Variants in CNTNAP2 observed in about 807,000 individuals in gnomAD.
CNTNAP2 encodes contactin-associated protein-like 2.
A neutral mutation model predicts 155.2 loss-of-function variants in CNTNAP2; 98 were observed. The observed-to-expected ratio is 0.63, with a 90% CI of 0.54 to 0.75. The LOEUF is 0.75. CNTNAP2 is among the 30% of genes least tolerant of loss of function. The probability of loss-of-function intolerance (pLI) is 0.00; values close to 1 mark genes in which losing one functional copy is unlikely to be tolerated. For missense variants in CNTNAP2, 1,727 were observed against 1,688.1 expected (o/e 1.02, Z -0.40); for synonymous variants, 651 against 631.2 (o/e 1.03, Z -0.47).
intron 1 of CNTNAP2, among the ~76,000 whole-genome samples, chr7:146,486,046 CTTTTTTTTTTTTTTTTTTTTT>C (rs71175651): frequency 4.7e-5 from 2 of 42,572 alleles, no homozygotes; most frequent in Admixed American, 4.1e-4. Context: ...CCACAGCAGT[CTTTTTTTTTTTTTTTTTTTTT>C]TTTTTTTTTT....
At chr7:148,132,383 A>T (rs1440190299) in intron 16 of CNTNAP2, among the ~76,000 whole-genome samples, 4 of 142,068 alleles carry the variant, frequency 2.8e-5, no homozygotes, top group South Asian at 4.5e-4. Context: ...TAATTTTTTA[A>T]TTTTTTTTTT....
chr7:147,142,020 C>T (rs1023194429), intron 8 of CNTNAP2, among the ~76,000 whole-genome samples: 1 of 152,150 alleles, frequency 6.6e-6, no homozygotes, highest in Non-Finnish European at 1.5e-5. Flanking sequence ...CATCTGCGAA[C>T]AGTGACAATT....
chr7:147,178,487 G>A (rs1468351279), intron 8 of CNTNAP2, among the ~76,000 whole-genome samples: 1 of 152,168 alleles, frequency 6.6e-6, no homozygotes, highest in Non-Finnish European at 1.5e-5. Flanking sequence ...CTACAAATGT[G>A]CAAGATAATG....
chr7:146,607,513 G>T (rs1470862227), intron 1 of CNTNAP2, among the ~76,000 whole-genome samples: 1 of 151,950 alleles, frequency 6.6e-6, no homozygotes, highest in Admixed American at 6.6e-5. Flanking sequence ...GTCTTTTTCT[G>T]TCACCCAGAC....
Position 146,425,802 on chromosome 7 carries a change from T to G in CNTNAP2, c.97+308829T>G, listed in dbSNP as rs1019203031. 3.9e-5 allele frequency among the ~76,000 whole-genome samples: 6 copies of G among 152,268 alleles called. No homozygotes were observed. The South Asian group carries it at 1.0e-3, about 26-fold the overall frequency. On this transcript the variant is annotated intron_variant, in intron 1 of 23. Coordinates refer to ENST00000361727, the MANE Select transcript of CNTNAP2 (RefSeq NM_014141.6). Reference sequence around the variant, plus strand: ...ACCCTATGTGGTAGGTTTTTATTATTATGATTATTGTCTTCCACCTTTTGA... The same window carrying G: ...ACCCTATGTGGTAGGTTTTTATTATGATGATTATTGTCTTCCACCTTTTGA...
At chr7:148,215,238 G>A (rs986254008) in intron 18 of CNTNAP2, among the ~76,000 whole-genome samples, 9 of 152,168 alleles carry the variant, frequency 5.9e-5, no homozygotes, top group African/African-American at 2.2e-4. Context: ...TGCATATTCA[G>A]GGAGGTGAAG....
intron 1 of CNTNAP2, among the ~76,000 whole-genome samples, chr7:146,397,849 T>C (rs1795652899): frequency 6.6e-6 from 1 of 151,558 alleles, no homozygotes; most frequent in Admixed American, 6.6e-5. Context: ...AATATTAATT[T>C]TGTATACCAA....
chr7:146,829,449 A>T (rs1375296273), intron 2 of CNTNAP2, among the ~76,000 whole-genome samples: 1 of 152,162 alleles, frequency 6.6e-6, no homozygotes, highest in Admixed American at 6.5e-5. Flanking sequence ...AATATGTTAA[A>T]ATCAGCTCAA....
chr7:147,410,686 TCTAA>T (rs1262428226), intron 10 of CNTNAP2, among the ~76,000 whole-genome samples: 4 of 152,192 alleles, frequency 2.6e-5, no homozygotes, highest in Admixed American at 6.5e-5. Context: ...AAGCAGCTGT[TCTAA>T]CTGAGACGTG....
intron 20 of CNTNAP2, among the ~76,000 whole-genome samples, chr7:148,253,697 A>C: frequency 6.6e-6 from 1 of 152,294 alleles, no homozygotes; most frequent in African/African-American, 2.4e-5. Flanking sequence ...ACCCTGTGAC[A>C]GTCATTCATC....
chr7:147,285,985 C>T (rs533070429), intron 8 of CNTNAP2, among the ~76,000 whole-genome samples: 3 of 152,010 alleles, frequency 2.0e-5, no homozygotes, highest in Admixed American at 6.6e-5. Flanking sequence ...TATAGAGAAG[C>T]GTTTTCTAGA....
At chr7:147,766,688 G>A (rs535585682) in intron 13 of CNTNAP2, among the ~76,000 whole-genome samples, 21 of 152,088 alleles carry the variant, frequency 1.4e-4, no homozygotes, top group African/African-American at 4.6e-4. Flanking sequence ...AAGCTAATTC[G>A]TATTAGGTCT....
At chr7:146,845,331 C>T (rs1297918153) in intron 3 of CNTNAP2, among the ~76,000 whole-genome samples, 3 of 152,098 alleles carry the variant, frequency 2.0e-5, no homozygotes, top group Admixed American at 6.5e-5. Context: ...GATATGGAGT[C>T]GAAAGGTCTG....
chr7:146,792,439 T>C (rs909201001), intron 2 of CNTNAP2, among the ~76,000 whole-genome samples: 1 of 152,150 alleles, frequency 6.6e-6, no homozygotes, highest in African/African-American at 2.4e-5. Flanking sequence ...GATACCAACA[T>C]TGATCCCTTC....
intron 1 of CNTNAP2, among the ~76,000 whole-genome samples, chr7:146,389,203 G>T (rs1563065580): frequency 6.8e-6 from 1 of 147,868 alleles, no homozygotes; most frequent in Non-Finnish European, 1.5e-5. Flanking sequence ...TTTTATTATG[G>T]AGCAAATTGT....
At chr7:147,240,625 C>T (rs1803914513) in intron 8 of CNTNAP2, among the ~76,000 whole-genome samples, 1 of 151,322 alleles carries the variant, frequency 6.6e-6, no homozygotes, top group South Asian at 2.1e-4. Flanking sequence ...CAGTGTGTCA[C>T]CTTTCTCATT....
intron 10 of CNTNAP2, among the ~76,000 whole-genome samples, chr7:147,447,709 T>G (rs1464597002): frequency 6.6e-6 from 1 of 152,160 alleles, no homozygotes; most frequent in Non-Finnish European, 1.5e-5. Context: ...CATGAGCCAC[T>G]GCACCCAGCC....
intron 1 of CNTNAP2, among the ~76,000 whole-genome samples, chr7:146,330,463 T>C (rs1439141532): frequency 6.6e-6 from 1 of 152,150 alleles, no homozygotes; most frequent in Non-Finnish European, 1.5e-5. Context: ...ACACAATCAA[T>C]TGTATGTATA....
chr7:147,124,257 G>A (rs901653563), intron 6 of CNTNAP2, among the ~76,000 whole-genome samples: 7 of 152,110 alleles, frequency 4.6e-5, no homozygotes, highest in South Asian at 2.1e-4. Context: ...GAGAAAGCTC[G>A]TCTTGTTATC....
Sources: gnomAD v4.1 joint callset for allele counts (sites outside exome capture counted in the v4.1 genomes callset) on GRCh38, gnomAD v4.1.1 for gene constraint, MANE v1.5 for transcripts, NCBI Gene and HGNC (gene_info 2026-07-23, HGNC 2026-07-21) for gene names.